The following TSPAN9 variants were observed in gnomAD, a reference collection of about 807,000 sequenced individuals.
The protein encoded by TSPAN9 is tetraspanin 9.
In TSPAN9, 16 loss-of-function variants were observed where a neutral mutation model predicts 31.0. The observed-to-expected ratio is 0.52, with a 90% CI of 0.35 to 0.78. The LOEUF is 0.78. Ranked by LOEUF, TSPAN9 falls within the 30% of genes least tolerant of loss-of-function variation. The probability of loss-of-function intolerance (pLI) is 0.01; values close to 1 mark genes in which losing one functional copy is unlikely to be tolerated. For missense variants in TSPAN9, 272 were observed against 312.5 expected (o/e 0.87, Z 0.98); for synonymous variants, 145 against 121.6 (o/e 1.19, Z -1.27).
intron 2 of TSPAN9, among the ~76,000 whole-genome samples, chr12:3,167,580 G>A (rs1313221114): frequency 1.3e-5 from 2 of 152,188 alleles, no homozygotes; most frequent in Non-Finnish European, 2.9e-5. Flanking sequence ...GGGCTGGAAG[G>A]GATGATGGTG....
intron 2 of TSPAN9, 179 bp from the exon 3 acceptor site, chr12:3,200,998 G>C: frequency 1.7e-6 from 1 of 595,942 alleles, no homozygotes; most frequent in East Asian, 2.9e-5. Context: ...ACTTTGCCAA[G>C]CCGTCCACCT....
chr12:3,216,871 T>C (rs933965172), intron 3 of TSPAN9, among the ~76,000 whole-genome samples: 13 of 152,146 alleles, frequency 8.5e-5, no homozygotes, highest in African/African-American at 2.9e-4. Context: ...CCAAGGCCCC[T>C]GCTTTGGAGG....
chr12:3,211,896 G>A, intron 3 of TSPAN9: 1 of 1,590,602 alleles, frequency 6.3e-7, no homozygotes, highest in East Asian at 2.2e-5. Context: ...GAGGGATGAA[G>A]GAGATCCTTT....
rs533962157 is a variant in TSPAN9, at chr12:3,239,910, A to AG, written c.64-38503dup. 3.1e-3 allele frequency among the ~76,000 whole-genome samples: 448 copies of AG among 146,860 alleles called. 6 individuals are homozygous for AG. The highest frequency in any genetic ancestry group is 4.9e-3 in the Admixed American group (73 of 14,874). On this transcript the variant is annotated intron_variant, in intron 3 of 8. Transcript: ENST00000011898. ...AAAGCCAAAAAAACACTGACTATAT[A>AG]GGGGGGGGACGAGGGAGGGCATTGC...
At chr12:3,248,381 T>C (rs928695273) in intron 3 of TSPAN9, among the ~76,000 whole-genome samples, 12 of 152,146 alleles carry the variant, frequency 7.9e-5, no homozygotes, top group Non-Finnish European at 1.3e-4. Context: ...GCTGCTGCTG[T>C]TTCTTTATGA....
At position 3,280,862 on chromosome 12, in the gene TSPAN9, C is replaced by A. The variant is rs112543621; in HGVS notation, c.433-336C>A. 1.8e-3 allele frequency among the ~76,000 whole-genome samples: 271 copies of A among 151,238 alleles called. No individual in the cohort carries two copies. The highest frequency in any genetic ancestry group is 6.2e-3 in the African/African-American group (257 of 41,196). ...CCCATTTTAAGCCCTGGGGAGGGGC[C>A]GGCAGGGGGTTGGGTGGCAGTCAGC... On this transcript the variant is annotated intron_variant, in intron 6 of 8. Transcript: ENST00000011898. The surrounding 1 kb of genome is among the most constrained non-coding windows in gnomAD (Gnocchi z 4.5).
chr12:3,282,168 G>A (rs1469310664), intron 8 of TSPAN9: 4 of 606,430 alleles, frequency 6.6e-6, no homozygotes, highest in African/African-American at 5.5e-5. Flanking sequence ...TTTACAGCCT[G>A]TGCACATGGC....
At chr12:3,251,323 A>G (rs1169543497) in intron 3 of TSPAN9, among the ~76,000 whole-genome samples, 1 of 151,036 alleles carries the variant, frequency 6.6e-6, no homozygotes, top group African/African-American at 2.4e-5. Context: ...ATCCCCTCGC[A>G]TTGGTGGCAT....
chr12:3,086,046 C>T (rs2098300286), intron 2 of TSPAN9, among the ~76,000 whole-genome samples: 1 of 152,230 alleles, frequency 6.6e-6, no homozygotes, highest in Non-Finnish European at 1.5e-5. Context: ...GTGCCTGAGG[C>T]AGTGAGGAGT....
Position 3,286,538 on chromosome 12 carries a change from A to G in TSPAN9, c.*3422A>G, listed in dbSNP as rs1863020391. On this transcript the variant is annotated 3_prime_UTR_variant, in exon 9 of 9. Coordinates refer to ENST00000011898, the MANE Select transcript of TSPAN9 (RefSeq NM_006675.5). The surrounding 1 kb of genome is among the most constrained non-coding windows in gnomAD (Gnocchi z 4.1). ...TGTTTTTAGCATGTTTTTAAATAAA[A>G]ACGGATAAAGTGTCAAAAGCACAGC... The G allele has an allele frequency of 1.3e-5, 2 of 152,284 alleles. No homozygotes were observed. Among genetic ancestry groups the G allele is most frequent in the African/African-American group, 4.8e-5 (2 of 41,410 alleles). The allele number at this position is 152,284 out of a possible 1,614,324, so 9.4% of individuals were successfully genotyped here. A position where few individuals can be genotyped will look rare whatever the true frequency, so the allele number is the denominator to read the frequency against.
intron 2 of TSPAN9, among the ~76,000 whole-genome samples, chr12:3,085,899 C>T (rs11613213): frequency 0.25 from 38,024 of 152,092 alleles, 5,342 homozygotes; most frequent in South Asian, 0.39. Flanking sequence ...CTGATAGGAG[C>T]GGACTGGGGG....
chr12:3,211,519 T>G, intron 3 of TSPAN9: 1 of 674,302 alleles, frequency 1.5e-6, no homozygotes, highest in Non-Finnish European at 2.4e-6. Context: ...AGCCAGCCTC[T>G]TCCCCCAAAC....
At chr12:3,079,611 G>A (rs1454889415) in intron 1 of TSPAN9, among the ~76,000 whole-genome samples, 2 of 151,888 alleles carry the variant, frequency 1.3e-5, no homozygotes, top group African/African-American at 4.8e-5. Flanking sequence ...ACAGGTGCCC[G>A]CCACCACACC....
chr12:3,123,636 TTG>T (rs200199024), intron 2 of TSPAN9, among the ~76,000 whole-genome samples: 19 of 148,292 alleles, frequency 1.3e-4, no homozygotes, highest in Middle Eastern at 3.5e-3. Flanking sequence ...TTTTTTTTTT[TTG>T]GGAAAAATTA....
intron 3 of TSPAN9, among the ~76,000 whole-genome samples, chr12:3,254,863 G>A (rs769257867): frequency 3.9e-5 from 6 of 152,176 alleles, no homozygotes; most frequent in Non-Finnish European, 7.3e-5. Flanking sequence ...GTATTTTCAT[G>A]TGGACATTTC....
intron 2 of TSPAN9, among the ~76,000 whole-genome samples, chr12:3,165,894 C>T (rs2098348123): frequency 6.6e-6 from 1 of 152,196 alleles, no homozygotes; most frequent in Non-Finnish European, 1.5e-5. Flanking sequence ...TTCGAGGCAG[C>T]CTCATGCAGG....
intron 3 of TSPAN9, chr12:3,273,054 A>G (rs1862712422): frequency 6.6e-6 from 1 of 152,422 alleles, no homozygotes; most frequent in South Asian, 2.1e-4. Context: ...AGATCCTGAT[A>G]CAGCCTGATG....
chr12:3,113,554 T>C (rs909879102), intron 2 of TSPAN9, among the ~76,000 whole-genome samples: 6 of 152,240 alleles, frequency 3.9e-5, no homozygotes, highest in Non-Finnish European at 8.8e-5. Flanking sequence ...GATCAATAGA[T>C]ACTTTTTTGG....
rs1406153859 is a variant in TSPAN9, at chr12:3,147,444, A to G, written c.-17-53733A>G. ...ATGCTGCAGCCTGAGTCCTGGTGGC[A>G]TCTCCACCGACGCGACGGGAAGTGG... On this transcript the variant is annotated intron_variant, in intron 2 of 8. Transcript: ENST00000011898. This position sits in a 1 kb window ranked among gnomAD's most constrained non-coding sequence, Gnocchi z 4.3. Among the ~76,000 whole-genome samples the G allele has an allele frequency of 6.6e-6, 1 of 152,164 alleles. No homozygotes were observed. The highest frequency in any genetic ancestry group is 1.5e-5 in the Non-Finnish European group (1 of 68,030).
Sources: allele counts gnomAD v4.1 joint callset (sites outside exome capture counted in the v4.1 genomes callset), GRCh38; gene constraint gnomAD v4.1.1; non-coding constraint Gnocchi (gnomAD v3.1); transcripts MANE v1.5; gene names NCBI Gene and HGNC (gene_info 2026-07-23, HGNC 2026-07-21).